The following CAPN14 variants were observed in gnomAD, a reference collection of about 807,000 sequenced individuals.
CAPN14 encodes the protein calpain 14.
A neutral mutation model predicts 101.3 loss-of-function variants in CAPN14; 94 were observed. The ratio of observed to expected loss-of-function variants is 0.93; its 90% CI spans 0.79 to 1.10. The LOEUF (loss-of-function observed/expected upper bound fraction) is 1.10. CAPN14 is among the 50% of genes least tolerant of loss of function. The pLI is 0.00. For synonymous variants in CAPN14, 338 were observed against 317.9 expected (o/e 1.06, Z -0.67); for missense variants, 837 against 828.4 (o/e 1.01, Z -0.13).
chr2:31,233,418 C>G (rs916055646), intron 1 of CAPN14, among the ~76,000 whole-genome samples: 2 of 152,188 alleles, frequency 1.3e-5, no homozygotes, highest in Admixed American at 6.5e-5. Flanking sequence ...TTCCATGAAG[C>G]CTTCCTCAAA....
intron 4 of CAPN14, 38 bp from the exon 5 acceptor site, chr2:31,202,036 C>T: frequency 1.3e-6 from 2 of 1,550,486 alleles, no homozygotes; most frequent in Non-Finnish European, 1.7e-6. Flanking sequence ...ATGAGGACTG[C>T]TGCAGATGGT....
rs2148682787 is a variant in CAPN14 at position 31,193,131 on chromosome 2, C to A, written c.1114G>T (p.Asp372Tyr). 1 of 1,549,358 alleles carries A rather than the reference C, an allele frequency of 6.5e-7. No homozygotes were observed. Reference protein sequence around the residue: ...TAGGQRQLLQDTFWKNPQFLL... With the variant: ...TAGGQRQLLQYTFWKNPQFLL... The stretch of plus-strand genomic sequence containing the variant: ...GCCCTGCTCCTGTGCACATGCTCAC[C>A]CTGCAGCAACTGCCTCTGGCCACCA... The change falls in exon 10 of 22, where the codon GAC (aspartate) becomes TAC (tyrosine). Residue 372 changes from aspartate (D) to tyrosine (Y), a missense_variant and splice_region_variant. By Grantham distance (160) the Asp-to-Tyr change is radical (BLOSUM62 -3). Transcript: ENST00000403897.
chr2:31,208,538 A>G (rs1037376510), intron 1 of CAPN14, among the ~76,000 whole-genome samples: 3 of 152,026 alleles, frequency 2.0e-5, no homozygotes, highest in African/African-American at 7.3e-5. Context: ...GGTTCCTCTC[A>G]CCCTCCAAAG....
At chr2:31,186,613 T>C in intron 15 of CAPN14, 128 bp from the exon 16 acceptor site, 1 of 644,194 alleles carries the variant, frequency 1.6e-6, no homozygotes, top group Non-Finnish European at 2.5e-6. Context: ...GCTTTTTAAC[T>C]GGGTGCCAAC....
At chr2:31,177,944 G>C (rs1173069806) in intron 18 of CAPN14, 123 bp from the exon 19 acceptor site, 1 of 705,038 alleles carries the variant, frequency 1.4e-6, no homozygotes, top group Non-Finnish European at 2.6e-6. Context: ...TCCACATGCA[G>C]GGCCTGTTGC....
intron 12 of CAPN14, among the ~76,000 whole-genome samples, chr2:31,191,129 T>TA (rs1305839668): frequency 2.4e-4 from 37 of 152,220 alleles, no homozygotes; most frequent in Admixed American, 2.4e-3. Flanking sequence ...AGGAATTTAA[T>TA]AAATTCTAAA....
chr2:31,196,767 G>A (rs1189261876), intron 8 of CAPN14, among the ~76,000 whole-genome samples: 2 of 152,110 alleles, frequency 1.3e-5, no homozygotes, highest in East Asian at 3.9e-4. Flanking sequence ...GCTACTATAT[G>A]TAATCAGAGT....
In CAPN14 at chr2:31,178,597, G is replaced by C; in HGVS notation, c.1711-18C>G. On this transcript the variant is annotated intron_variant, in intron 17 of 21. Coordinates refer to ENST00000403897, the MANE Select transcript of CAPN14 (RefSeq NM_001145122.2). ...GCATTAAGCTGATTAATAGGTTAAG[G>C]TAAAAGCTTCCAGGGAGAGTTCTAT... 1 of 1,493,516 alleles carries C rather than the reference G, an allele frequency of 6.7e-7. No individual in the cohort carries two copies. The highest frequency in any genetic ancestry group is 9.0e-7 in the Non-Finnish European group (1 of 1,116,260). 92.5% of individuals were successfully genotyped at this position (1,493,516 alleles called of 1,614,324 possible).
At chr2:31,196,145 T>G (rs1055498938) in intron 8 of CAPN14, among the ~76,000 whole-genome samples, 3 of 152,232 alleles carry the variant, frequency 2.0e-5, no homozygotes, top group African/African-American at 7.2e-5. Flanking sequence ...AAAAATATAC[T>G]GGATGGGATT....
chr2:31,191,804 A>G, intron 11 of CAPN14, 131 bp downstream of exon 11: 1 of 831,968 alleles, frequency 1.2e-6, no homozygotes, highest in Non-Finnish European at 1.8e-6. Context: ...TAAAGGACAG[A>G]GCCTGGATTT....
intron 15 of CAPN14, 89 bp downstream of exon 15, chr2:31,187,669 A>C: frequency 8.7e-7 from 1 of 1,143,274 alleles, no homozygotes; most frequent in South Asian, 1.5e-5. Flanking sequence ...AAGCAGCCTC[A>C]AGCAGGTGCA....
chr2:31,218,928 G>A (rs144642852), upstream of CAPN14, among the ~76,000 whole-genome samples: 70 of 152,006 alleles, frequency 4.6e-4, 1 homozygote, highest in East Asian at 0.012. Context: ...AAGGTGTTAT[G>A]AGGATAGCAG....
chr2:31,202,758 G>C (rs1822497), intron 3 of CAPN14, among the ~76,000 whole-genome samples: 8,225 of 152,152 alleles, frequency 0.054, 267 homozygotes, highest in African/African-American at 0.086. Context: ...TCTCAAGAAG[G>C]ACCCATTGTG....
intron 1 of CAPN14, among the ~76,000 whole-genome samples, 169 bp downstream of exon 1, chr2:31,217,287 A>G (rs755980694): frequency 6.6e-6 from 1 of 152,138 alleles, no homozygotes; most frequent in African/African-American, 2.4e-5. Flanking sequence ...AAAACTGAGG[A>G]CAAAATTGAA....
chr2:31,202,931 C>T (rs1411465517), intron 3 of CAPN14, 139 bp downstream of exon 3: 4 of 652,050 alleles, frequency 6.1e-6, no homozygotes, highest in African/African-American at 3.7e-5. Context: ...GTCCAGGTAG[C>T]GTTTTGCCAG....
At chr2:31,178,127 T>C (rs541955669) in intron 18 of CAPN14, among the ~76,000 whole-genome samples, 262 of 152,348 alleles carry the variant, frequency 1.7e-3, no homozygotes, top group Non-Finnish European at 3.2e-3. Context: ...GATTCCAGCT[T>C]TCTGACTCAG....
intron 1 of CAPN14, among the ~76,000 whole-genome samples, chr2:31,231,057 G>A (rs1446071246): frequency 2.0e-5 from 3 of 152,128 alleles, no homozygotes; most frequent in South Asian, 2.1e-4. Flanking sequence ...AGTCCTCTTC[G>A]CTTAGTTGTT....
upstream of CAPN14, among the ~76,000 whole-genome samples, chr2:31,221,947 A>G (rs1682873044): frequency 6.6e-6 from 1 of 152,068 alleles, no homozygotes. Context: ...TTCACACACA[A>G]CCCTCTGAAG....
At chr2:31,199,228 C>T (rs1317960676) in intron 7 of CAPN14, among the ~76,000 whole-genome samples, 1 of 152,150 alleles carries the variant, frequency 6.6e-6, no homozygotes, top group African/African-American at 2.4e-5. Context: ...TGAGGTACAG[C>T]AGGGTGGGAG....
Sources: gnomAD v4.1 joint callset for allele counts (sites outside exome capture counted in the v4.1 genomes callset) on GRCh38, gnomAD v4.1.1 for gene constraint, MANE v1.5 for transcripts, NCBI Gene and HGNC (gene_info 2026-07-23, HGNC 2026-07-21) for gene names.